The following TMEM204 variants were observed in gnomAD, a reference collection of about 807,000 sequenced individuals.
The protein encoded by TMEM204 is claudin-like protein 24.
In TMEM204, 15 loss-of-function variants were observed where a neutral mutation model predicts 19.4. That is an observed-to-expected ratio of 0.77 (90% CI 0.52 to 1.19). The LOEUF (loss-of-function observed/expected upper bound fraction) is 1.19. TMEM204 is among the 50% of genes most tolerant of loss of function. The pLI is 0.00. For synonymous variants in TMEM204, 161 were observed against 146.0 expected, an observed-to-expected ratio of 1.10 and a Z score of -0.74; for missense variants, 287 against 321.2, an observed-to-expected ratio of 0.89 and a Z score of 0.81.
chr16:1,549,863 T>A (rs1247026373), intron 2 of TMEM204, among the ~76,000 whole-genome samples: 2 of 152,266 alleles, frequency 1.3e-5, no homozygotes, highest in South Asian at 4.1e-4. Flanking sequence ...GCCACCTTGA[T>A]TACTTTTCCA....
intron 1 of TMEM204, among the ~76,000 whole-genome samples, chr16:1,538,174 C>A (rs1168803098): frequency 5.3e-5 from 8 of 152,180 alleles, no homozygotes; most frequent in Admixed American, 4.6e-4. Context: ...TCCTTCCTGG[C>A]AGGGCGGTGG....
chr16:1,537,177 T>C (rs984629769), intron 1 of TMEM204, among the ~76,000 whole-genome samples: 1 of 152,000 alleles, frequency 6.6e-6, no homozygotes, highest in African/African-American at 2.4e-5. Flanking sequence ...AGGGTCGGGG[T>C]GGGGCAAGCC....
At position 1,551,702 on chromosome 16, in the gene TMEM204, G is replaced by A. The variant is rs1388462982; in HGVS notation, c.437-3080G>A. Among the ~76,000 whole-genome samples the A allele has an allele frequency of 6.6e-6, 1 of 152,168 alleles. No homozygotes were observed. Among genetic ancestry groups the A allele is most frequent in the Non-Finnish European group, 1.5e-5 (1 of 68,026 alleles). On this transcript the variant is annotated intron_variant, in intron 2 of 2. Transcript: ENST00000566264. The surrounding 1 kb of genome is among the most constrained non-coding windows in gnomAD (Gnocchi z 4.0). ...GTTCACGGAAGAGCCTAAGATCAGCGGCACTTCAGTCTTCTACGGGGTTTT... is the reference window on the plus strand; with the variant it reads ...GTTCACGGAAGAGCCTAAGATCAGCAGCACTTCAGTCTTCTACGGGGTTTT...
chr16:1,540,497 T>C lies in TMEM204; in HGVS notation c.281-1424T>C, dbSNP rs537322068. Among the ~76,000 whole-genome samples the C allele has an allele frequency of 1.2e-4, 18 of 152,254 alleles. No homozygotes were observed. The South Asian group carries it at 3.7e-3, about 32-fold the overall frequency. ...GTGCTCTGAGGAGGCAGCTTGAGGA[T>C]CTCCCCATCCCCTCTCGGCCTCCAC... On this transcript the variant is annotated intron_variant, in intron 1 of 2. Transcript: ENST00000566264.
intron 1 of TMEM204, 86 bp from the exon 2 acceptor site, chr16:1,541,833 AAC>A (rs2031670878): frequency 1.4e-6 from 2 of 1,453,668 alleles, no homozygotes; most frequent in African/African-American, 1.4e-5. Context: ...TTCCGAGGCA[AAC>A]AGAGACCACG....
intron 1 of TMEM204, among the ~76,000 whole-genome samples, chr16:1,537,217 C>T (rs1219901547): frequency 6.6e-6 from 1 of 151,468 alleles, no homozygotes. Context: ...CGCGTGCCTC[C>T]TCACGCAGGC....
At chr16:1,536,606 T>C (rs1383872785) in intron 1 of TMEM204, among the ~76,000 whole-genome samples, 2 of 152,168 alleles carry the variant, frequency 1.3e-5, no homozygotes, top group African/African-American at 4.8e-5. Flanking sequence ...GGGTAACTTT[T>C]CTTTAATTTT....
intron 1 of TMEM204, chr16:1,541,435 G>A (rs966380477): frequency 9.1e-6 from 9 of 985,268 alleles, no homozygotes; most frequent in Admixed American, 1.2e-4. Flanking sequence ...CTTGGGGGTC[G>A]GGCAGCTGAG....
At chr16:1,546,694 T>C (rs963633319) in intron 2 of TMEM204, among the ~76,000 whole-genome samples, 1 of 152,206 alleles carries the variant, frequency 6.6e-6, no homozygotes, top group Non-Finnish European at 1.5e-5. Context: ...GATCCGTTCA[T>C]GGAGCAGGGC....
intron 1 of TMEM204, among the ~76,000 whole-genome samples, chr16:1,535,303 G>A (rs946670759): frequency 4.6e-5 from 7 of 152,168 alleles, no homozygotes; most frequent in Non-Finnish European, 8.8e-5. Flanking sequence ...CCACCGCACC[G>A]TGGGGTTTGA....
At chr16:1,544,842 G>A (rs1323294309) in intron 2 of TMEM204, among the ~76,000 whole-genome samples, 2 of 151,412 alleles carry the variant, frequency 1.3e-5, no homozygotes, top group South Asian at 2.1e-4. Flanking sequence ...TAGAGACGGG[G>A]TTTCACCGTG....
Position 1,555,143 on chromosome 16 carries a change from G to A in TMEM204, c.*117G>A. 3 of 1,334,494 alleles carry A rather than the reference G, an allele frequency of 2.2e-6. No homozygotes were observed. Among genetic ancestry groups the A allele is most frequent in the Non-Finnish European group, 2.0e-6 (2 of 988,926 alleles). 82.7% of individuals were successfully genotyped at this position (1,334,494 alleles called of 1,614,324 possible). A position where few individuals can be genotyped will look rare whatever the true frequency, so the allele number is the denominator to read the frequency against. ...TCGTGCAGAGGCACGGGATGAGTCT[G>A]GGTGACCTCTGCGCCATGCGTGCGA... On this transcript the variant is annotated 3_prime_UTR_variant, in exon 3 of 3. Coordinates refer to ENST00000566264, the MANE Select transcript of TMEM204 (RefSeq NM_024600.6).
intron 2 of TMEM204, among the ~76,000 whole-genome samples, chr16:1,548,185 A>G (rs1053169999): frequency 6.6e-6 from 1 of 151,788 alleles, no homozygotes; most frequent in Non-Finnish European, 1.5e-5. Context: ...CCCAGCAGGG[A>G]CTTGAGGTGG....
chr16:1,546,664 C>G (rs576830080), intron 2 of TMEM204, among the ~76,000 whole-genome samples: 1 of 152,356 alleles, frequency 6.6e-6, no homozygotes, highest in South Asian at 2.1e-4. Flanking sequence ...AAACTGTCCT[C>G]TTGGCAAGAA....
upstream of TMEM204, chr16:1,530,591 T>G (rs776905503): frequency 1.3e-5 from 2 of 151,790 alleles, no homozygotes; most frequent in Non-Finnish European, 2.9e-5. Context: ...CACATCCAAT[T>G]GCGGTGGAAA....
At chr16:1,537,769 C>T (rs1031474598) in intron 1 of TMEM204, among the ~76,000 whole-genome samples, 6 of 152,198 alleles carry the variant, frequency 3.9e-5, no homozygotes, top group African/African-American at 1.4e-4. Flanking sequence ...GAACAGATGA[C>T]CGTGTGATTG....
Position 1,553,899 on chromosome 16 carries a change from TG to T in TMEM204, c.437-882del. On this transcript the variant is annotated intron_variant, in intron 2 of 2. Transcript: ENST00000566264. This position sits in a 1 kb window ranked among gnomAD's most constrained non-coding sequence, Gnocchi z 4.4. Reference sequence around the variant, plus strand: ...AGTCACGAAACCCTGATTTTCCTGTTGTAAGAACTAAAAAGGTCTTTGGAGC... The same window carrying T: ...AGTCACGAAACCCTGATTTTCCTGTTTAAGAACTAAAAAGGTCTTTGGAGC... 6 of 1,271,472 alleles carry T rather than the reference TG, an allele frequency of 4.7e-6. No homozygotes were observed. The highest frequency in any genetic ancestry group is 5.1e-6 in the Non-Finnish European group (5 of 978,406). The allele number at this position is 1,271,472 out of a possible 1,614,324, so 78.8% of individuals were successfully genotyped here.
intron 1 of TMEM204, among the ~76,000 whole-genome samples, chr16:1,538,928 A>T (rs2141266092): frequency 6.6e-6 from 1 of 152,294 alleles, no homozygotes; most frequent in East Asian, 1.9e-4. Context: ...TCCCATCTGC[A>T]CAGGCCCTAG....
chr16:1,546,709 C>T (rs971883010), intron 2 of TMEM204, among the ~76,000 whole-genome samples: 6 of 152,208 alleles, frequency 3.9e-5, no homozygotes, highest in African/African-American at 1.4e-4. Context: ...CAGGGCCCTC[C>T]CGCCCGCAGC....
Sources: allele counts gnomAD v4.1 joint callset (sites outside exome capture counted in the v4.1 genomes callset), GRCh38; gene constraint gnomAD v4.1.1; non-coding constraint Gnocchi (gnomAD v3.1); transcripts MANE v1.5; gene names NCBI Gene and HGNC (gene_info 2026-07-23, HGNC 2026-07-21).